MYO16: variants seen among roughly 807,000 people sequenced by gnomAD.
The protein encoded by MYO16 is unconventional myosin-XVI.
MYO16 carries 94 observed loss-of-function variants against 205.3 expected under a neutral mutation model. The ratio of observed to expected loss-of-function variants is 0.46; its 90% CI spans 0.39 to 0.54. The LOEUF is 0.54. MYO16 is among the 20% of genes least tolerant of loss of function. The probability of loss-of-function intolerance (pLI) is 0.00; values close to 1 mark genes in which losing one functional copy is unlikely to be tolerated. For missense variants in MYO16, 2,315 were observed against 2,387.5 expected (o/e 0.97, Z 0.63); for synonymous variants, 988 against 954.0 (o/e 1.04, Z -0.66).
intron 2 of MYO16, among the ~76,000 whole-genome samples, chr13:108,669,007 G>T (rs1881864916): frequency 6.6e-6 from 1 of 152,006 alleles, no homozygotes; most frequent in South Asian, 2.1e-4. Flanking sequence ...TGAATGAGAT[G>T]GGGTGGCATC....
At chr13:108,991,205 C>T (rs1217325716) in intron 20 of MYO16, among the ~76,000 whole-genome samples, 1 of 152,166 alleles carries the variant, frequency 6.6e-6, no homozygotes, top group Non-Finnish European at 1.5e-5. Context: ...CTACCCTTCC[C>T]TGCCTTCCAT....
intron 16 of MYO16, among the ~76,000 whole-genome samples, chr13:108,935,814 T>G (rs2139301891): frequency 6.7e-6 from 1 of 150,282 alleles, no homozygotes; most frequent in Non-Finnish European, 1.5e-5. Context: ...CCTAGTTTCT[T>G]GAGGGTTTTT....
intron 32 of MYO16, among the ~76,000 whole-genome samples, chr13:109,144,486 C>A (rs1877240698): frequency 6.6e-6 from 1 of 152,162 alleles, no homozygotes; most frequent in Non-Finnish European, 1.5e-5. Flanking sequence ...GGTTATATGA[C>A]TATTAAAGTT....
At chr13:109,087,142 G>C (rs927219802) in intron 27 of MYO16, among the ~76,000 whole-genome samples, 5 of 152,196 alleles carry the variant, frequency 3.3e-5, no homozygotes, top group African/African-American at 1.2e-4. Flanking sequence ...AGAGGAAAGT[G>C]CCTTGCTGTA....
intron 16 of MYO16, among the ~76,000 whole-genome samples, chr13:108,955,918 A>C (rs946817987): frequency 1.2e-4 from 18 of 152,090 alleles, no homozygotes; most frequent in African/African-American, 3.6e-4. Flanking sequence ...TTTTTGTAAC[A>C]TTCTTACTCT....
chr13:108,869,850 T>C (rs957393768), intron 12 of MYO16, among the ~76,000 whole-genome samples: 2 of 151,174 alleles, frequency 1.3e-5, no homozygotes, highest in African/African-American at 4.8e-5. Context: ...AAAAATACTC[T>C]GTGTACACAA....
At chr13:108,892,681 AG>A (rs566056881) in intron 14 of MYO16, among the ~76,000 whole-genome samples, 192 of 152,352 alleles carry the variant, frequency 1.3e-3, no homozygotes, top group Admixed American at 3.5e-3. Flanking sequence ...AATAGCCTCA[AG>A]TTAACTAACG....
At chr13:108,932,375 G>T (rs1374689587) in intron 16 of MYO16, among the ~76,000 whole-genome samples, 2 of 152,130 alleles carry the variant, frequency 1.3e-5, no homozygotes, top group Admixed American at 6.5e-5. Flanking sequence ...TTGTGGTTTG[G>T]GGTGTGACTT....
At chr13:108,519,273 A>G in the MYO16 span, among the ~76,000 whole-genome samples, 1 of 152,148 alleles carries the variant, frequency 6.6e-6, no homozygotes, top group East Asian at 1.9e-4. Context: ...CATGCCAATG[A>G]TGGTGTAGGA....
At chr13:108,793,674 A>T in intron 6 of MYO16, 34 bp downstream of exon 6, 1 of 1,584,000 alleles carries the variant, frequency 6.3e-7, no homozygotes. Context: ...AAACTATTTG[A>T]ATAGAGAATT....
At position 108,893,613 on chromosome 13, in the gene MYO16, A is replaced by G. The variant is rs565700062; in HGVS notation, c.1660-4403A>G. ...CTATCTAGTAGAAAGTTTGAGGGTCAGGATAAGATGAAAGGAAAGTTCACT... is the reference window on the plus strand; with the variant it reads ...CTATCTAGTAGAAAGTTTGAGGGTCGGGATAAGATGAAAGGAAAGTTCACT... On this transcript the variant is annotated intron_variant, in intron 14 of 34. Transcript: ENST00000457511. Among the ~76,000 whole-genome samples, 42 of 152,308 alleles carry G rather than the reference A, an allele frequency of 2.8e-4. No individual in the cohort carries two copies. In the South Asian group the frequency reaches 7.7e-3, roughly 28 times the overall value.
chr13:108,701,114 G>A (rs1926509), intron 2 of MYO16, among the ~76,000 whole-genome samples: 116,198 of 151,990 alleles, frequency 0.76, 44,636 homozygotes, highest in East Asian at 0.98. Flanking sequence ...CACATGATAC[G>A]TAATATAGAC....
chr13:108,655,722 G>C lies in MYO16; in HGVS notation c.29-10164G>C, dbSNP rs182144980. On this transcript the variant is annotated intron_variant, in intron 1 of 34. Coordinates refer to ENST00000457511, the MANE Select transcript of MYO16 (RefSeq NM_001198950.3). ...AAGCCACAGGGGTGGAGCTGCCCAA[G>C]ACTATGGGAACCTACCTCTTGCATC... is the stretch of plus-strand genomic sequence containing the variant. Among the ~76,000 whole-genome samples the C allele has an allele frequency of 1.5e-3, 229 of 152,312 alleles. 2 individuals are homozygous for C. Among genetic ancestry groups the C allele is most frequent in the African/African-American group, 5.1e-3 (213 of 41,582 alleles).
At chr13:108,785,599 G>A in intron 4 of MYO16, 36 bp from the exon 5 acceptor site, 1 of 1,297,250 alleles carries the variant, frequency 7.7e-7, no homozygotes, top group Non-Finnish European at 1.1e-6. Flanking sequence ...AATTTAAACA[G>A]TATATATGAT....
At chr13:108,499,693 T>C in the MYO16 span, among the ~76,000 whole-genome samples, 40 of 152,176 alleles carry the variant, frequency 2.6e-4, 1 homozygote, top group Admixed American at 2.6e-3. Context: ...AAAGTAAACA[T>C]GGATGAAATA....
chr13:108,820,272 G>A (rs1351662033), intron 7 of MYO16, 65 bp from the exon 8 acceptor site: 3 of 1,188,410 alleles, frequency 2.5e-6, no homozygotes, highest in Non-Finnish European at 3.7e-6. Flanking sequence ...CACAGTGTAT[G>A]ACTTACTGAT....
At position 108,661,328 on chromosome 13, in the gene MYO16, C is replaced by A. The variant is rs550505972; in HGVS notation, c.29-4558C>A. Among the ~76,000 whole-genome samples, 37 of 152,216 alleles carry A rather than the reference C, an allele frequency of 2.4e-4. No homozygotes were observed. In the South Asian group the frequency reaches 7.7e-3, roughly 32 times the overall value. Reference sequence around the variant, plus strand: ...GCTTCTTCTATTTAGATGTCTAGGTCTCTCTCAAGGCTGGGGAAATTTTCA... The same window carrying A: ...GCTTCTTCTATTTAGATGTCTAGGTATCTCTCAAGGCTGGGGAAATTTTCA... On this transcript the variant is annotated intron_variant, in intron 1 of 34. Coordinates refer to ENST00000457511, the MANE Select transcript of MYO16 (RefSeq NM_001198950.3).
At chr13:109,174,256 A>C (rs974278657) in intron 33 of MYO16, among the ~76,000 whole-genome samples, 5 of 152,196 alleles carry the variant, frequency 3.3e-5, no homozygotes, top group African/African-American at 1.2e-4. Context: ...TCAAGAGAAA[A>C]GGACTTCTGA....
the MYO16 span, among the ~76,000 whole-genome samples, chr13:108,574,004 G>T: frequency 5.9e-5 from 9 of 151,940 alleles, no homozygotes; most frequent in African/African-American, 2.2e-4. Flanking sequence ...GCACATGTCA[G>T]CACACCTGGC....
Sources: gnomAD v4.1 joint callset for allele counts (sites outside exome capture counted in the v4.1 genomes callset) on GRCh38, gnomAD v4.1.1 for gene constraint, MANE v1.5 for transcripts, NCBI Gene and HGNC (gene_info 2026-07-23, HGNC 2026-07-21) for gene names.